PTGIS: variants seen among roughly 807,000 people sequenced by gnomAD.
The protein encoded by PTGIS is prostaglandin I2 synthase, also known as prostacyclin synthase.
Under a neutral mutation model 50.3 loss-of-function variants are expected in PTGIS, and 45 were observed. That is an observed-to-expected ratio of 0.90 (90% CI 0.70 to 1.15). The LOEUF (loss-of-function observed/expected upper bound fraction) is 1.15. Among genes scored for constraint, PTGIS ranks in the 50% most tolerant of loss-of-function variants. The pLI is 0.00. For synonymous variants in PTGIS, 260 were observed against 267.7 expected (o/e 0.97, Z 0.28); for missense variants, 668 against 661.3 (o/e 1.01, Z -0.11).
At chr20:49,565,890 C>T (rs1010759157) in intron 1 of PTGIS, among the ~76,000 whole-genome samples, 1 of 152,170 alleles carries the variant, frequency 6.6e-6, no homozygotes. Flanking sequence ...CCACACTTCT[C>T]CCCACTACCC....
At chr20:49,529,567 A>G (rs1981881073) in intron 5 of PTGIS, among the ~76,000 whole-genome samples, 1 of 152,158 alleles carries the variant, frequency 6.6e-6, no homozygotes, top group Admixed American at 6.5e-5. Context: ...ATTAAATGAA[A>G]AACTCCCTAA....
chr20:49,545,693 G>C (rs975206641), intron 3 of PTGIS, among the ~76,000 whole-genome samples: 1 of 152,078 alleles, frequency 6.6e-6, no homozygotes, highest in Non-Finnish European at 1.5e-5. Flanking sequence ...CCTTGTGTAG[G>C]ATCTGGACCA....
At position 49,547,191 on chromosome 20, in the gene PTGIS, C is replaced by T. The variant is rs191664474; in HGVS notation, c.377+650G>A. On this transcript the variant is annotated intron_variant, in intron 3 of 9. Transcript: ENST00000244043. ...AGGTTACAGTGAGCCAAGATTATGC[C>T]ACTGCACTCTGGCCTGGGCAACAGA... Among the ~76,000 whole-genome samples, 467 of 152,284 alleles carry T rather than the reference C, an allele frequency of 3.1e-3. 2 individuals carry two copies. Among genetic ancestry groups the T allele is most frequent in the African/African-American group, 0.011 (455 of 41,566 alleles).
chr20:49,527,257 C>T (rs1981813746), intron 5 of PTGIS, among the ~76,000 whole-genome samples: 1 of 129,458 alleles, frequency 7.7e-6, no homozygotes, highest in Admixed American at 8.4e-5. Context: ...CCAGCATGGG[C>T]AACATGGTGA....
chr20:49,566,526 T>C (rs1455731451), intron 1 of PTGIS, among the ~76,000 whole-genome samples: 1 of 152,206 alleles, frequency 6.6e-6, no homozygotes, highest in Non-Finnish European at 1.5e-5. Flanking sequence ...GACTACACAG[T>C]TGTAAATTTC....
At chr20:49,520,779 G>A (rs1981631557) in intron 6 of PTGIS, among the ~76,000 whole-genome samples, 1 of 152,106 alleles carries the variant, frequency 6.6e-6, no homozygotes, top group Non-Finnish European at 1.5e-5. Context: ...CAATGCTCTT[G>A]CCTCAGCCTC....
chr20:49,546,924 C>T (rs1328697216), intron 3 of PTGIS, among the ~76,000 whole-genome samples: 2 of 152,202 alleles, frequency 1.3e-5, no homozygotes, highest in African/African-American at 2.4e-5. Flanking sequence ...CATCTGTTCT[C>T]TTATTGATAT....
chr20:49,563,463 G>GT (rs1262852190), intron 1 of PTGIS, among the ~76,000 whole-genome samples: 2 of 152,242 alleles, frequency 1.3e-5, no homozygotes, highest in Non-Finnish European at 2.9e-5. Flanking sequence ...AAGTACAGTG[G>GT]TAACTAGAAT....
Position 49,506,412 on chromosome 20 carries a change from C to T in PTGIS, c.*1508G>A, listed in dbSNP as rs183057445. ...TTATTTATTGAGACAGAGTCTTGCT[C>T]TGTCGCCCAGGCTGGAGTGCCGTGG... On this transcript the variant is annotated 3_prime_UTR_variant, in exon 10 of 10. Coordinates refer to ENST00000244043, the MANE Select transcript of PTGIS (RefSeq NM_000961.4). 4.6e-5 allele frequency: 7 copies of T among 152,172 alleles called. No individual in the cohort carries two copies. The highest frequency in any genetic ancestry group is 1.0e-4 in the Non-Finnish European group (7 of 68,040). 9.4% of individuals were successfully genotyped at this position (152,172 alleles called of 1,614,324 possible).
At chr20:49,557,232 C>A (rs1460678382) in intron 1 of PTGIS, among the ~76,000 whole-genome samples, 1 of 152,128 alleles carries the variant, frequency 6.6e-6, no homozygotes, top group African/African-American at 2.4e-5. Flanking sequence ...CATGAGAGAT[C>A]AGACAAAACC....
chr20:49,539,727 G>A lies in PTGIS; in HGVS notation c.522-6C>T. The A allele has an allele frequency of 1.9e-6, 3 of 1,609,742 alleles. No individual in the cohort carries two copies. The highest frequency in any genetic ancestry group is 2.5e-6 in the Non-Finnish European group (3 of 1,179,568). ...AAAGAGTCAGGTAGCCGGCTCTGGG[G>A]GCGGCAGACAGAGGGTCAGGGGTCC... On this transcript the variant is annotated splice_polypyrimidine_tract_variant and splice_region_variant and intron_variant, in intron 4 of 9. Coordinates refer to ENST00000244043, the MANE Select transcript of PTGIS (RefSeq NM_000961.4).
At chr20:49,529,828 T>C (rs1400421512) in intron 5 of PTGIS, among the ~76,000 whole-genome samples, 1 of 152,202 alleles carries the variant, frequency 6.6e-6, no homozygotes, top group Non-Finnish European at 1.5e-5. Context: ...TTTTATTATG[T>C]TGTTAATCTC....
Position 49,539,827 on chromosome 20 carries a change from C to T in PTGIS, c.522-106G>A, listed in dbSNP as rs74880892. 2.2e-3 allele frequency: 3,109 copies of T among 1,431,496 alleles called. 55 individuals are homozygous for T. The African/African-American group carries it at 0.035, about 16-fold the overall frequency. 88.7% of individuals were successfully genotyped at this position (1,431,496 alleles called of 1,614,324 possible). On this transcript the variant is annotated intron_variant, in intron 4 of 9. Transcript: ENST00000244043. ...TACACCCAGTGAGCAACTACTAATCCTACTGTGCGCCAAAGACCATTCTGG... is the reference window on the plus strand; with the variant it reads ...TACACCCAGTGAGCAACTACTAATCTTACTGTGCGCCAAAGACCATTCTGG...
At position 49,523,943 on chromosome 20, in the gene PTGIS, ACAGG is replaced by A. The variant is rs1307551869; in HGVS notation, c.855+111_855+114del. The A allele has an allele frequency of 3.1e-6, 4 of 1,288,610 alleles. No homozygotes were observed. The East Asian group carries it at 9.9e-5, about 32-fold the overall frequency. The allele number at this position is 1,288,610 out of a possible 1,614,324, so 79.8% of individuals were successfully genotyped here. A position where few individuals can be genotyped will look rare whatever the true frequency, so the allele number is the denominator to read the frequency against. ...TGCACACCTACATACACATGCACACACAGGCATAGTCATGTGCACACCTGCACAG... is the reference window on the plus strand; with the variant it reads ...TGCACACCTACATACACATGCACACACATAGTCATGTGCACACCTGCACAG... On this transcript the variant is annotated intron_variant, in intron 6 of 9. Transcript: ENST00000244043.
chr20:49,514,724 T>C (rs1981430333), intron 6 of PTGIS, among the ~76,000 whole-genome samples: 1 of 152,246 alleles, frequency 6.6e-6, no homozygotes, highest in Admixed American at 6.5e-5. Context: ...TGTTCACATC[T>C]GAGAATGATC....
chr20:49,519,137 C>T (rs1183236568), intron 6 of PTGIS, among the ~76,000 whole-genome samples: 1 of 151,982 alleles, frequency 6.6e-6, no homozygotes, highest in East Asian at 1.9e-4. Context: ...CTCCGTCTGC[C>T]CCCCACCACC....
In PTGIS at chr20:49,565,658, T is replaced by C. The variant is rs1982879702; in HGVS notation, c.74+2385A>G. ...CAGCCTGGGCCACAGTGTGAGATCC[T>C]ATCACTAAAAGTAAAAGCTAAAAAT... On this transcript the variant is annotated intron_variant, in intron 1 of 9. Transcript: ENST00000244043. Among the ~76,000 whole-genome samples the C allele has an allele frequency of 2.0e-5, 3 of 151,886 alleles. No homozygotes were observed. In the South Asian group the frequency reaches 6.2e-4, roughly 32 times the overall value.
chr20:49,515,205 C>T (rs1340981529), intron 6 of PTGIS, among the ~76,000 whole-genome samples: 5 of 152,214 alleles, frequency 3.3e-5, no homozygotes, highest in African/African-American at 1.2e-4. Flanking sequence ...CAAATTCTAT[C>T]AGTCACTTGA....
At chr20:49,517,009 G>A (rs1408852916) in intron 6 of PTGIS, among the ~76,000 whole-genome samples, 1 of 152,112 alleles carries the variant, frequency 6.6e-6, no homozygotes, top group Non-Finnish European at 1.5e-5. Flanking sequence ...GGGTAACATT[G>A]CCACCTCCTG....
Sources: allele counts gnomAD v4.1 joint callset (sites outside exome capture counted in the v4.1 genomes callset), GRCh38; gene constraint gnomAD v4.1.1; transcripts MANE v1.5; gene names NCBI Gene and HGNC (gene_info 2026-07-23, HGNC 2026-07-21).